Variants in UNC5C observed in about 807,000 individuals in gnomAD.
UNC5C encodes unc-5 netrin receptor C.
Under a neutral mutation model 99.8 loss-of-function variants are expected in UNC5C, and 47 were observed. The observed-to-expected ratio is 0.47, with a 90% CI of 0.37 to 0.60. The LOEUF (loss-of-function observed/expected upper bound fraction) is 0.60. Ranked by LOEUF, UNC5C falls within the 20% of genes least tolerant of loss-of-function variation. UNC5C has a pLI of 0.00. For synonymous variants in UNC5C, 487 were observed against 452.2 expected (o/e 1.08, Z -0.98); for missense variants, 1,062 against 1,165.9 (o/e 0.91, Z 1.30).
chr4:95,428,769 T>A (rs1185711237), intron 1 of UNC5C, among the ~76,000 whole-genome samples: 1 of 152,176 alleles, frequency 6.6e-6, no homozygotes, highest in East Asian at 1.9e-4. Flanking sequence ...ACTACTTTTT[T>A]GCAAAGTCCT....
chr4:95,498,791 G>A (rs1721694711), intron 1 of UNC5C, among the ~76,000 whole-genome samples: 1 of 149,370 alleles, frequency 6.7e-6, no homozygotes, highest in Admixed American at 6.7e-5. Flanking sequence ...GAGTTGATTT[G>A]TATGAAATGA....
chr4:95,197,290 A>G (rs1479911661), intron 12 of UNC5C, among the ~76,000 whole-genome samples: 1 of 151,710 alleles, frequency 6.6e-6, no homozygotes, highest in Non-Finnish European at 1.5e-5. Flanking sequence ...CCCTGAGAAT[A>G]AGTACTCCAC....
intron 1 of UNC5C, among the ~76,000 whole-genome samples, chr4:95,444,381 A>G (rs1440389573): frequency 6.9e-6 from 1 of 144,182 alleles, no homozygotes; most frequent in African/African-American, 2.6e-5. Context: ...CCCAGGCTGG[A>G]GTGCAGTGGT....
chr4:95,247,102 T>C (rs1462122789), intron 5 of UNC5C, among the ~76,000 whole-genome samples: 6 of 152,094 alleles, frequency 3.9e-5, no homozygotes, highest in Non-Finnish European at 8.8e-5. Context: ...TTTGTTTAAA[T>C]GCTATCTCTG....
intron 3 of UNC5C, among the ~76,000 whole-genome samples, chr4:95,298,615 C>T (rs1047050941): frequency 2.5e-4 from 38 of 152,148 alleles, no homozygotes; most frequent in African/African-American, 8.7e-4. Context: ...ACCACTCCCT[C>T]CCAGCCCTAC....
chr4:95,292,234 C>CATATAT (rs1201836603), intron 3 of UNC5C, among the ~76,000 whole-genome samples: 1 of 74,056 alleles, frequency 1.4e-5, no homozygotes, highest in Non-Finnish European at 2.6e-5. Context: ...CACACACACA[C>CATATAT]ACATATATAT....
rs1409243935 is a variant in UNC5C at position 95,220,061 on chromosome 4, GTCACGA to G, written c.1218_1223del (p.Arg407_Asp408del). The G allele has an allele frequency of 7.4e-6, 12 of 1,614,012 alleles. No homozygotes were observed. The highest frequency in any genetic ancestry group is 1.0e-5 in the Non-Finnish European group (12 of 1,180,010). On this transcript the variant is annotated inframe_deletion, in exon 8 of 16. Coordinates refer to ENST00000453304, the MANE Select transcript of UNC5C (RefSeq NM_003728.4). ...AAGAGTCAATAATATCTGACTCAAA[GTCACGA>G]TGATTCTTCCGATACACAAACAAGG... is the stretch of plus-strand genomic sequence containing the variant.
chr4:95,427,223 A>G (rs1270895943), intron 1 of UNC5C, among the ~76,000 whole-genome samples: 1 of 152,308 alleles, frequency 6.6e-6, no homozygotes, highest in East Asian at 1.9e-4. Context: ...CTTATGGATG[A>G]GCAAGGAAAG....
intron 7 of UNC5C, among the ~76,000 whole-genome samples, chr4:95,224,081 G>A (rs1476815446): frequency 4.6e-5 from 7 of 152,066 alleles, no homozygotes; most frequent in African/African-American, 1.4e-4. Flanking sequence ...TCATGAGTAC[G>A]AGACAATCTG....
chr4:95,354,212 G>T (rs978976973), intron 1 of UNC5C, among the ~76,000 whole-genome samples: 8 of 151,830 alleles, frequency 5.3e-5, no homozygotes, highest in Admixed American at 5.3e-4. Flanking sequence ...GCTGTCTAAA[G>T]GTAAGATCTG....
chr4:95,296,029 A>G (rs1741658532), intron 3 of UNC5C, among the ~76,000 whole-genome samples: 1 of 152,196 alleles, frequency 6.6e-6, no homozygotes, highest in Non-Finnish European at 1.5e-5. Flanking sequence ...GACAGGTTGC[A>G]ATGAGCCGAG....
chr4:95,484,325 G>T (rs1168533944), intron 1 of UNC5C, among the ~76,000 whole-genome samples: 1 of 151,842 alleles, frequency 6.6e-6, no homozygotes, highest in African/African-American at 2.4e-5. Context: ...GCCCCATTGA[G>T]ACTTTCTTGT....
intron 12 of UNC5C, among the ~76,000 whole-genome samples, chr4:95,202,376 T>C (rs1036700322): frequency 2.0e-5 from 3 of 152,252 alleles, no homozygotes; most frequent in Admixed American, 6.5e-5. Flanking sequence ...CAGAGGAACA[T>C]ACAGTGTGAG....
intron 12 of UNC5C, among the ~76,000 whole-genome samples, chr4:95,194,994 T>G (rs1428803740): frequency 6.6e-6 from 1 of 152,148 alleles, no homozygotes; most frequent in Admixed American, 6.6e-5. Context: ...TCCCTGTGAC[T>G]AAATGTCTAA....
At chr4:95,372,938 T>C (rs1390207168) in intron 1 of UNC5C, among the ~76,000 whole-genome samples, 2 of 152,164 alleles carry the variant, frequency 1.3e-5, no homozygotes, top group Admixed American at 6.5e-5. Flanking sequence ...AGCTACACCA[T>C]CACAGGAGAG....
intron 1 of UNC5C, among the ~76,000 whole-genome samples, chr4:95,478,449 G>A (rs1003871116): frequency 1.3e-5 from 2 of 151,950 alleles, no homozygotes; most frequent in Non-Finnish European, 2.9e-5. Context: ...TTCTTCCACC[G>A]ATTTCGATGG....
intron 1 of UNC5C, among the ~76,000 whole-genome samples, chr4:95,542,408 A>T (rs1187075388): frequency 1.3e-5 from 2 of 152,166 alleles, no homozygotes; most frequent in Non-Finnish European, 2.9e-5. Flanking sequence ...TAAAAGCTAT[A>T]CTGACCTAAG....
In UNC5C at chr4:95,548,904, C is replaced by A. The variant is rs774554308; in HGVS notation, c.-47G>T. The A allele has an allele frequency of 1.9e-6, 3 of 1,606,926 alleles. No individual in the cohort carries two copies. Among genetic ancestry groups the A allele is most frequent in the East Asian group, 4.5e-5 (2 of 44,764 alleles). On this transcript the variant is annotated 5_prime_UTR_variant, in exon 1 of 16. Coordinates refer to ENST00000453304, the MANE Select transcript of UNC5C (RefSeq NM_003728.4). ...GGGAGGGGAGGGGGACAGAGAGACG[C>A]GCAAACAGCTGAAAGCCCCACTGGG...
rs201147890 is a variant in UNC5C, at chr4:95,521,217, C to CT, written c.124+27516dup. On this transcript the variant is annotated intron_variant, in intron 1 of 15. Coordinates refer to ENST00000453304, the MANE Select transcript of UNC5C (RefSeq NM_003728.4). ...TCTTCTTCTTTTTTTTTTCTTTTTTCTTTTTTCTTTTTTTTTTGAGGTGGA... is the reference window on the plus strand; with the variant it reads ...TCTTCTTCTTTTTTTTTTCTTTTTTCTTTTTTTCTTTTTTTTTTGAGGTGGA... 2.2e-3 allele frequency among the ~76,000 whole-genome samples: 101 copies of CT among 45,118 alleles called. 4 individuals carry two copies. The highest frequency in any genetic ancestry group is 5.9e-3 in the Admixed American group (21 of 3,566). 29.6% of individuals were successfully genotyped at this position (45,118 alleles called of 152,430 possible).
Sources: allele counts gnomAD v4.1 joint callset (sites outside exome capture counted in the v4.1 genomes callset), GRCh38; gene constraint gnomAD v4.1.1; transcripts MANE v1.5; gene names NCBI Gene and HGNC (gene_info 2026-07-23, HGNC 2026-07-21).